The following PDE7A variants were observed in gnomAD, a reference collection of about 807,000 sequenced individuals.
PDE7A encodes the protein high affinity 3',5'-cyclic-AMP phosphodiesterase 7A.
Under a neutral mutation model 64.3 loss-of-function variants are expected in PDE7A, and 39 were observed. The observed-to-expected ratio is 0.61, with a 90% CI of 0.47 to 0.79. PDE7A has a LOEUF of 0.79. PDE7A is among the 30% of genes least tolerant of loss of function. The probability of loss-of-function intolerance (pLI) is 0.00; values close to 1 mark genes in which losing one functional copy is unlikely to be tolerated. For synonymous variants in PDE7A, 203 were observed against 206.8 expected, an observed-to-expected ratio of 0.98 and a Z score of 0.16; for missense variants, 470 against 582.8, an observed-to-expected ratio of 0.81 and a Z score of 1.99.
At chr8:65,746,542 A>G (rs1463220646) in intron 4 of PDE7A, among the ~76,000 whole-genome samples, 1 of 152,186 alleles carries the variant, frequency 6.6e-6, no homozygotes, top group Non-Finnish European at 1.5e-5. Context: ...GGCCCTAAAA[A>G]CCAAATATTT....
At chr8:65,778,437 G>T (rs1413046498) in intron 3 of PDE7A, among the ~76,000 whole-genome samples, 1 of 152,118 alleles carries the variant, frequency 6.6e-6, no homozygotes, top group African/African-American at 2.4e-5. Context: ...TGGACATAAG[G>T]CTCCAGTGTC....
chr8:65,745,326 G>A, intron 5 of PDE7A, 81 bp downstream of exon 5: 1 of 828,828 alleles, frequency 1.2e-6, no homozygotes, highest in Non-Finnish European at 2.1e-6. Flanking sequence ...TACAGTAAAT[G>A]AAAGCAACGC....
chr8:65,733,734 T>C (rs188041505), intron 7 of PDE7A, among the ~76,000 whole-genome samples: 22 of 152,322 alleles, frequency 1.4e-4, no homozygotes, highest in African/African-American at 4.8e-4. Flanking sequence ...GTTGATTTTT[T>C]AAAAGTCATG....
intron 1 of PDE7A, among the ~76,000 whole-genome samples, chr8:65,840,400 A>G (rs1273653987): frequency 4.9e-5 from 5 of 102,726 alleles, no homozygotes; most frequent in East Asian, 2.2e-4. Context: ...CACTACCTGC[A>G]CACACACACA....
chr8:65,764,016 T>C (rs2063684), intron 3 of PDE7A, among the ~76,000 whole-genome samples: 2,250 of 152,308 alleles, frequency 0.015, 44 homozygotes, highest in African/African-American at 0.05. Context: ...TAGGCACTTA[T>C]GAATCACCTG....
At chr8:65,725,256 G>A (rs1177822766) in intron 9 of PDE7A, 3 of 165,730 alleles carry the variant, frequency 1.8e-5, no homozygotes, top group Non-Finnish European at 3.9e-5. Flanking sequence ...GTTCCTTGCT[G>A]GGATTCTTTT....
At chr8:65,759,793 A>C (rs981268553) in intron 3 of PDE7A, among the ~76,000 whole-genome samples, 1 of 152,120 alleles carries the variant, frequency 6.6e-6, no homozygotes, top group Non-Finnish European at 1.5e-5. Flanking sequence ...AGAATGGGGA[A>C]AGGTTGCATG....
chr8:65,747,890 G>A (rs1284227140), intron 3 of PDE7A, 87 bp from the exon 4 acceptor site: 3 of 670,580 alleles, frequency 4.5e-6, no homozygotes, highest in Non-Finnish European at 7.1e-6. Context: ...TTATGTACAA[G>A]TATTTTTAAA....
At position 65,802,893 on chromosome 8, in the gene PDE7A, G is replaced by C. The variant is rs752474624; in HGVS notation, c.139-20050C>G. On this transcript the variant is annotated intron_variant, in intron 1 of 12. Coordinates refer to ENST00000401827, the MANE Select transcript of PDE7A (RefSeq NM_001242318.3). The stretch of plus-strand genomic sequence containing the variant: ...GTCCGGGCCATCCCCTTGTTGATAA[G>C]TGAGCATTCTGGGTTCACTCATCTG... 2.6e-5 allele frequency among the ~76,000 whole-genome samples: 4 copies of C among 152,198 alleles called. No homozygotes were observed. The South Asian group carries it at 8.3e-4, about 32-fold the overall frequency.
At position 65,726,968 on chromosome 8, in the gene PDE7A, T is replaced by C; in HGVS notation, c.829-2A>G. The stretch of plus-strand genomic sequence containing the variant: ...GTGATTTTCCAGTACTGAGGTATTC[T>C]ACAACAAAGGACGTTTCTGAGTTAC... On this transcript the variant is annotated splice_acceptor_variant, in intron 8 of 12. Coordinates refer to ENST00000401827, the MANE Select transcript of PDE7A (RefSeq NM_001242318.3). LOFTEE classifies it high-confidence loss of function. 1 of 1,553,394 alleles carries C rather than the reference T, an allele frequency of 6.4e-7. No individual in the cohort carries two copies. Among genetic ancestry groups the C allele is most frequent in the Non-Finnish European group, 8.9e-7 (1 of 1,126,010 alleles).
At chr8:65,761,487 A>G (rs1482547114) in intron 3 of PDE7A, among the ~76,000 whole-genome samples, 1 of 152,188 alleles carries the variant, frequency 6.6e-6, no homozygotes, top group East Asian at 1.9e-4. Context: ...TGGACTATTT[A>G]TTTTAAGTCC....
intron 1 of PDE7A, among the ~76,000 whole-genome samples, chr8:65,784,666 A>G (rs1809499049): frequency 6.6e-6 from 1 of 152,154 alleles, no homozygotes; most frequent in East Asian, 1.9e-4. Context: ...TAAACTTCAA[A>G]CCCAGAAAAG....
chr8:65,729,252 A>G (rs1267868938), intron 7 of PDE7A, among the ~76,000 whole-genome samples: 2 of 151,744 alleles, frequency 1.3e-5, no homozygotes, highest in Non-Finnish European at 2.9e-5. Flanking sequence ...ATAGAAAACT[A>G]TTAAGTGGTG....
intron 1 of PDE7A, among the ~76,000 whole-genome samples, chr8:65,804,334 C>T (rs1810062498): frequency 6.6e-6 from 1 of 152,094 alleles, no homozygotes; most frequent in Admixed American, 6.6e-5. Context: ...CATACTTTTA[C>T]CCAATTTATT....
chr8:65,770,474 G>A (rs937789362), intron 3 of PDE7A, among the ~76,000 whole-genome samples: 1 of 152,132 alleles, frequency 6.6e-6, no homozygotes, highest in Non-Finnish European at 1.5e-5. Context: ...ACAGTATGGG[G>A]GAGAACTGCC....
intron 3 of PDE7A, chr8:65,771,088 G>A: frequency 2.9e-6 from 1 of 345,396 alleles, no homozygotes. Context: ...GAAATATTGT[G>A]GCATCTACAT....
At chr8:65,831,495 T>C (rs1810820079) in intron 1 of PDE7A, among the ~76,000 whole-genome samples, 1 of 152,150 alleles carries the variant, frequency 6.6e-6, no homozygotes, top group African/African-American at 2.4e-5. Flanking sequence ...ACCACTGCCA[T>C]TGTTGAAGAT....
chr8:65,841,601 C>T lies in PDE7A; in HGVS notation c.-93G>A. Reference sequence around the variant, plus strand: ...GGGGCCGCGGCTCGGGGGCTCCGGGCCGAGACGGGGGCAGGGCGGGCGGGG... The same window carrying T: ...GGGGCCGCGGCTCGGGGGCTCCGGGTCGAGACGGGGGCAGGGCGGGCGGGG... On this transcript the variant is annotated 5_prime_UTR_variant, in exon 1 of 13. Coordinates refer to ENST00000401827, the MANE Select transcript of PDE7A (RefSeq NM_001242318.3). 1 of 572,754 alleles carries T rather than the reference C, an allele frequency of 1.7e-6. No homozygotes were observed. Among genetic ancestry groups the T allele is most frequent in the Non-Finnish European group, 2.4e-6 (1 of 415,822 alleles). The allele number at this position is 572,754 out of a possible 1,614,324, so 35.5% of individuals were successfully genotyped here.
intron 1 of PDE7A, among the ~76,000 whole-genome samples, chr8:65,822,018 C>A (rs1261394347): frequency 6.6e-6 from 1 of 152,104 alleles, no homozygotes; most frequent in African/African-American, 2.4e-5. Flanking sequence ...TGGCTTAGTA[C>A]TCTCTAGTCC....
Sources: gnomAD v4.1 joint callset for allele counts (sites outside exome capture counted in the v4.1 genomes callset) on GRCh38, gnomAD v4.1.1 for gene constraint, MANE v1.5 for transcripts, NCBI Gene and HGNC (gene_info 2026-07-23, HGNC 2026-07-21) for gene names.